The following BPTF variants were observed in gnomAD, a reference collection of about 807,000 sequenced individuals.
BPTF encodes nucleosome-remodeling factor subunit BPTF.
A neutral mutation model predicts 292.5 loss-of-function variants in BPTF; 18 were observed. The ratio of observed to expected loss-of-function variants is 0.06; its 90% CI spans 0.04 to 0.09. The LOEUF (loss-of-function observed/expected upper bound fraction) is 0.09. Among genes scored for constraint, BPTF ranks in the 10% least tolerant of loss-of-function variants. The pLI is 1.00. For missense variants in BPTF, 2,726 were observed against 3,498.7 expected, an observed-to-expected ratio of 0.78 and a Z score of 5.57; for synonymous variants, 1,225 against 1,251.9, an observed-to-expected ratio of 0.98 and a Z score of 0.45.
At chr17:67,953,158 T>C (rs1163795369) in intron 23 of BPTF, among the ~76,000 whole-genome samples, 2 of 152,108 alleles carry the variant, frequency 1.3e-5, no homozygotes, top group African/African-American at 4.8e-5. Flanking sequence ...AGACGGGGTT[T>C]CACCATGTTA....
chr17:67,907,144 C>G (rs554074551), intron 9 of BPTF, among the ~76,000 whole-genome samples: 1 of 148,230 alleles, frequency 6.7e-6, no homozygotes, highest in South Asian at 2.1e-4. Context: ...GAGATGAACC[C>G]ACTGTGCTCC....
rs1335249706 is a variant in BPTF, at chr17:67,953,983, T to C, written c.7927-5558T>C. On this transcript the variant is annotated intron_variant, in intron 23 of 27. Coordinates refer to ENST00000306378, the MANE Select transcript of BPTF (RefSeq NM_182641.4). Reference sequence around the variant, plus strand: ...TTTCTTTTTTTTTTTTTTTTTTTTTTTTTTTTTTTTTTTTTTTTTGAGAAG... The same window carrying C: ...TTTCTTTTTTTTTTTTTTTTTTTTTCTTTTTTTTTTTTTTTTTTTGAGAAG... Among the ~76,000 whole-genome samples, 9 of 67,414 alleles carry C rather than the reference T, an allele frequency of 1.3e-4. No homozygotes were observed. The South Asian group carries it at 1.6e-3, about 12-fold the overall frequency. 44.2% of individuals were successfully genotyped at this position (67,414 alleles called of 152,430 possible). A position where few individuals can be genotyped will look rare whatever the true frequency, so the allele number is the denominator to read the frequency against.
chr17:67,842,278 A>C (rs1041964459), intron 1 of BPTF, among the ~76,000 whole-genome samples: 7 of 152,218 alleles, frequency 4.6e-5, no homozygotes, highest in African/African-American at 1.7e-4. Flanking sequence ...CAATGCATGC[A>C]TGATACCTTT....
chr17:67,949,284 G>A (rs1555677119), intron 23 of BPTF, among the ~76,000 whole-genome samples: 1 of 152,154 alleles, frequency 6.6e-6, no homozygotes, highest in Non-Finnish European at 1.5e-5. Context: ...ATGATCACTT[G>A]AACCCGGAAA....
Position 67,854,338 on chromosome 17 carries a change from A to G in BPTF, c.1012A>G (p.Lys338Glu), listed in dbSNP as rs2058577959. ...GCTGCGGGTGTACTGTGAGAGTGAT[A>G]AGGAGTACCATCACGTTCTTCCTTA... is the stretch of plus-strand genomic sequence containing the variant. ...EVLRVYCESD[K>E]EYHHVLPYQE... Residue 338 changes from lysine (K) to glutamate (E), a missense_variant, in exon 2 of 28, where the codon AAG (lysine) becomes GAG (glutamate). Lys to Glu is a moderately conservative substitution (Grantham distance 56). Around this residue, in one of 22 missense-constraint regions of BPTF, gnomAD observed 102 missense variants for 212.6 expected, o/e 0.48. Transcript: ENST00000306378. The surrounding 1 kb of genome is among the most constrained non-coding windows in gnomAD (Gnocchi z 5.6). 1.9e-6 allele frequency: 3 copies of G among 1,614,226 alleles called. No individual in the cohort carries two copies. The highest frequency in any genetic ancestry group is 4.5e-5 in the East Asian group (2 of 44,884).
At chr17:67,957,942 G>T (rs1555681776) in intron 23 of BPTF, among the ~76,000 whole-genome samples, 1 of 152,176 alleles carries the variant, frequency 6.6e-6, no homozygotes, top group Non-Finnish European at 1.5e-5. Flanking sequence ...TTGTTCCTAG[G>T]GTAATAAGGT....
intron 14 of BPTF, among the ~76,000 whole-genome samples, chr17:67,923,928 A>G (rs1336081291): frequency 6.6e-6 from 1 of 151,030 alleles, no homozygotes; most frequent in Non-Finnish European, 1.5e-5. Context: ...GCTTACTGCA[A>G]CCTCCCAGAT....
At chr17:67,959,298 A>G (rs761469650) in intron 23 of BPTF, among the ~76,000 whole-genome samples, 8 of 152,230 alleles carry the variant, frequency 5.3e-5, no homozygotes, top group Non-Finnish European at 1.0e-4. Flanking sequence ...TCTTTCAGTC[A>G]GCTCTCCTTT....
intron 2 of BPTF, among the ~76,000 whole-genome samples, chr17:67,861,711 A>G (rs1007919767): frequency 2.0e-5 from 3 of 152,184 alleles, no homozygotes; most frequent in African/African-American, 7.2e-5. Flanking sequence ...ATTTGCCCTT[A>G]ACCAAAACTT....
chr17:67,970,953 T>G (rs1555690500), intron 26 of BPTF, among the ~76,000 whole-genome samples: 1 of 152,196 alleles, frequency 6.6e-6, no homozygotes, highest in East Asian at 1.9e-4. Flanking sequence ...CTAAGTACAT[T>G]TTAGGCTTTG....
chr17:67,976,951 A>G (rs183040822), intron 27 of BPTF, among the ~76,000 whole-genome samples: 4 of 152,246 alleles, frequency 2.6e-5, no homozygotes, highest in African/African-American at 7.2e-5. Flanking sequence ...TCACCCCTAC[A>G]TACATCGCTA....
At chr17:67,833,660 C>G (rs2056907192) in intron 1 of BPTF, among the ~76,000 whole-genome samples, 1 of 151,416 alleles carries the variant, frequency 6.6e-6, no homozygotes, top group Admixed American at 6.6e-5. Context: ...CCTCTGCCTT[C>G]TGGGTTCAAG....
At chr17:67,953,417 G>A (rs1356405875) in intron 23 of BPTF, among the ~76,000 whole-genome samples, 2 of 148,912 alleles carry the variant, frequency 1.3e-5, no homozygotes, top group Non-Finnish European at 3.0e-5. Context: ...CACTGCACTC[G>A]GCTAATTTTT....
At chr17:67,931,815 A>G (rs2064415224) in intron 17 of BPTF, 96 bp from the exon 18 acceptor site, 1 of 790,294 alleles carries the variant, frequency 1.3e-6, no homozygotes, top group South Asian at 2.2e-5. Context: ...AAACATTTTT[A>G]TTAATATAGA....
chr17:67,945,611 C>T lies in BPTF; in HGVS notation c.6903C>T (p.Thr2301=), dbSNP rs782232054. ...PEVQTQPEVQ[T]QTTVSSHVPS... Reference sequence around the variant, plus strand: ...TTCAGACTCAGCCTGAAGTTCAGACCCAAACAACTGTTTCATCCCATGTCC... The same window carrying T: ...TTCAGACTCAGCCTGAAGTTCAGACTCAAACAACTGTTTCATCCCATGTCC... The change falls in exon 21 of 28, where the codon ACC becomes ACT. Residue 2301 remains threonine, a synonymous_variant. Coordinates refer to ENST00000306378, the MANE Select transcript of BPTF (RefSeq NM_182641.4). 6.2e-7 allele frequency: 1 copy of T among 1,613,332 alleles called. No individual in the cohort carries two copies. Among genetic ancestry groups the T allele is most frequent in the African/African-American group, 1.3e-5 (1 of 74,974 alleles).
At chr17:67,884,138 CTTTTTTTTTT>C (rs200471908) in intron 4 of BPTF, among the ~76,000 whole-genome samples, 2 of 134,476 alleles carry the variant, frequency 1.5e-5, no homozygotes, top group South Asian at 4.8e-4. Context: ...CATTTTCTTT[CTTTTTTTTTT>C]TTTTTTTTTG....
chr17:67,877,812 A>G (rs1010890106), intron 4 of BPTF, among the ~76,000 whole-genome samples: 41 of 152,086 alleles, frequency 2.7e-4, no homozygotes, highest in South Asian at 2.1e-4. Context: ...GTAAACAAGT[A>G]AGTAGAGACA....
chr17:67,958,010 TA>T (rs1199468823), intron 23 of BPTF, among the ~76,000 whole-genome samples: 1 of 152,050 alleles, frequency 6.6e-6, no homozygotes, highest in African/African-American at 2.4e-5. Context: ...GAGGTGTGCT[TA>T]AAAAGTATGG....
At position 67,976,183 on chromosome 17, in the gene BPTF, C is replaced by G. The variant is rs889019908; in HGVS notation, c.8726+225C>G. 64 of 321,716 alleles carry G rather than the reference C, an allele frequency of 2.0e-4. 1 individual carries two copies. Among genetic ancestry groups the G allele is most frequent in the African/African-American group, 1.3e-3 (61 of 46,350 alleles). 19.9% of individuals were successfully genotyped at this position (321,716 alleles called of 1,614,324 possible). A position where few individuals can be genotyped will look rare whatever the true frequency, so the allele number is the denominator to read the frequency against. On this transcript the variant is annotated intron_variant, in intron 27 of 27. Transcript: ENST00000306378. ...TACTTAAAGTCTTTTTTTGAAAATTCAAGAAGTGGCCGGGCATAGTGGCTC... is the reference window on the plus strand; with the variant it reads ...TACTTAAAGTCTTTTTTTGAAAATTGAAGAAGTGGCCGGGCATAGTGGCTC...
Sources: allele counts gnomAD v4.1 joint callset (sites outside exome capture counted in the v4.1 genomes callset), GRCh38; gene constraint gnomAD v4.1.1; regional missense constraint gnomAD v4.1.1; non-coding constraint Gnocchi (gnomAD v3.1); transcripts MANE v1.5; gene names NCBI Gene and HGNC (gene_info 2026-07-23, HGNC 2026-07-21).